The following USE1 variants were observed in gnomAD, a reference collection of about 807,000 sequenced individuals.
The protein encoded by USE1 is unconventional SNARE in the ER 1, also known as vesicle transport protein USE1.
In USE1, 32 loss-of-function variants were observed where a neutral mutation model predicts 37.6. That is an observed-to-expected ratio of 0.85 (90% CI 0.64 to 1.14). The LOEUF (loss-of-function observed/expected upper bound fraction) is 1.14, where lower values mean the gene tolerates loss of function less well. Ranked by LOEUF, USE1 falls within the 50% of genes most tolerant of loss-of-function variation. The pLI, the probability that USE1 is intolerant of heterozygous loss-of-function variation, is 0.00. For missense variants in USE1, 310 were observed against 332.2 expected (o/e 0.93, Z 0.52); for synonymous variants, 149 against 137.6 (o/e 1.08, Z -0.58).
chr19:17,215,481 G>C lies in USE1; in HGVS notation c.76G>C (p.Asp26His), dbSNP rs373033987. The C allele has an allele frequency of 3.0e-4, 464 of 1,563,294 alleles. No individual in the cohort carries two copies. Among genetic ancestry groups the C allele is most frequent in the Non-Finnish European group, 3.7e-4 (427 of 1,155,464 alleles). ...RCEAMAAEKR[D>H]PDEWRLEKYV... ...CGAGGCGATGGCAGCGGAGAAACGG[G>C]ACCCGGACGAGTGGCGCCTGGAGAA... Residue 26 changes from aspartate to histidine, a missense_variant, in exon 1 of 8, where the codon GAC becomes CAC. Asp to His is a moderately conservative substitution (Grantham distance 81). Transcript: ENST00000263897.
chr19:17,215,735 C>T (rs376188371), intron 1 of USE1, 67 bp from the exon 2 acceptor site: 29 of 1,114,738 alleles, frequency 2.6e-5, no homozygotes, highest in Non-Finnish European at 3.0e-5. Context: ...GTCGGCCCCG[C>T]CCCCCCGACT....
chr19:17,219,755 T>C lies in USE1; in HGVS notation c.722T>C (p.Val241Ala). The C allele has an allele frequency of 6.2e-7, 1 of 1,612,112 alleles. No homozygotes were observed. The highest frequency in any genetic ancestry group is 8.5e-7 in the Non-Finnish European group (1 of 1,178,832). The change falls in exon 8 of 8, where the codon GTC becomes GCC. Residue 241 changes from valine (V) to alanine (A), a missense_variant. By Grantham distance (64) the Val-to-Ala change is moderately conservative (BLOSUM62 0). Transcript: ENST00000263897. Reference sequence around the variant, plus strand: ...CTGCTCTGGGCCATGCTCATTATCGTCTGCTTCATCTTCATTAGCATGATC... The same window carrying C: ...CTGCTCTGGGCCATGCTCATTATCGCCTGCTTCATCTTCATTAGCATGATC... Reference protein sequence around the residue: ...NWLLWAMLIIVCFIFISMILF... With the variant: ...NWLLWAMLIIACFIFISMILF...
At position 17,217,471 on chromosome 19, in the gene USE1, C is replaced by T. The variant is rs1418691562; in HGVS notation, c.394+9C>T. 1.2e-6 allele frequency: 2 copies of T among 1,611,392 alleles called. No individual in the cohort carries two copies. The highest frequency in any genetic ancestry group is 1.7e-5 in the Admixed American group (1 of 59,776). ...TCCACAGGACTCTGCAGGTGAGTCACCATGAACACAACAGGACTTGAGGGC... is the reference window on the plus strand; with the variant it reads ...TCCACAGGACTCTGCAGGTGAGTCATCATGAACACAACAGGACTTGAGGGC... On this transcript the variant is annotated intron_variant, in intron 5 of 7. Transcript: ENST00000263897.
chr19:17,217,626 C>A, intron 5 of USE1, 164 bp downstream of exon 5: 2 of 1,057,262 alleles, frequency 1.9e-6, no homozygotes, highest in Non-Finnish European at 1.4e-6. Context: ...GAAATGGCCC[C>A]GAGAGGAAAC....
rs368562490 is a variant in USE1 at position 17,218,426 on chromosome 19, T to C, written c.422+35T>C. The C allele has an allele frequency of 1.2e-3, 1,862 of 1,612,720 alleles. 2 individuals are homozygous for C. The highest frequency in any genetic ancestry group is 1.5e-3 in the Non-Finnish European group (1,784 of 1,179,422). On this transcript the variant is annotated intron_variant, in intron 6 of 7. Coordinates refer to ENST00000263897, the MANE Select transcript of USE1 (RefSeq NM_018467.4). Reference sequence around the variant, plus strand: ...TGCGGCCCTGGGGCAGTAGTGGCAATTGGGCGGTGCGGCAGGGACGGGGTA... The same window carrying C: ...TGCGGCCCTGGGGCAGTAGTGGCAACTGGGCGGTGCGGCAGGGACGGGGTA...
At chr19:17,217,288 C>G (rs941687553) in intron 4 of USE1, among the ~76,000 whole-genome samples, 165 bp from the exon 5 acceptor site, 1 of 151,866 alleles carries the variant, frequency 6.6e-6, no homozygotes, top group African/African-American at 2.4e-5. Context: ...GGCACCCCCA[C>G]CACACCTGGC....
intron 3 of USE1, 26 bp from the exon 4 acceptor site, chr19:17,216,143 T>G: frequency 6.2e-6 from 10 of 1,613,234 alleles, no homozygotes; most frequent in Non-Finnish European, 8.5e-6. Context: ...GCCCCTCCAG[T>G]GACTTATCTT....
rs78670441 is a variant in USE1, at chr19:17,219,363, G to A, written c.573G>A (p.Gln191=). Residue 191 remains glutamine, a synonymous_variant, in exon 7 of 8, where the codon CAG becomes CAA. Transcript: ENST00000263897. ...RSLKTNTLAA[Q]SVIKKDNQTL... ...TCAAGACCAATACCCTGGCCGCCCAGAGTGTCATCAAGAAGGACAACCAGG... is the reference window on the plus strand; with the variant it reads ...TCAAGACCAATACCCTGGCCGCCCAAAGTGTCATCAAGAAGGACAACCAGG... 1 of 1,565,520 alleles carries A rather than the reference G, an allele frequency of 6.4e-7. No individual in the cohort carries two copies. The highest frequency in any genetic ancestry group is 8.7e-7 in the Non-Finnish European group (1 of 1,154,920).
At chr19:17,218,215 G>C in intron 5 of USE1, 149 bp from the exon 6 acceptor site, 2 of 1,006,852 alleles carry the variant, frequency 2.0e-6, no homozygotes, top group South Asian at 3.1e-5. Context: ...TAGAAGAGGG[G>C]GTATTCAAGC....
Position 17,218,571 on chromosome 19 carries a change from A to T in USE1, c.422+180A>T, listed in dbSNP as rs564495213. The T allele has an allele frequency of 2.7e-4, 185 of 684,306 alleles. No individual in the cohort carries two copies. The African/African-American group carries it at 3.2e-3, about 12-fold the overall frequency. 42.4% of individuals were successfully genotyped at this position (684,306 alleles called of 1,614,324 possible). A position where few individuals can be genotyped will look rare whatever the true frequency, so the allele number is the denominator to read the frequency against. ...CCAGGCGCAGTGGCTCACGCCTGTA[A>T]TCCCAATACTTTGGGAGGCTGAGGC... On this transcript the variant is annotated intron_variant, in intron 6 of 7. Transcript: ENST00000263897.
At chr19:17,217,391 C>T in intron 4 of USE1, 62 bp from the exon 5 acceptor site, 1 of 1,594,622 alleles carries the variant, frequency 6.3e-7, no homozygotes, top group Non-Finnish European at 8.6e-7. Flanking sequence ...CCACCTTGGC[C>T]TCCCAAAGTG....
intron 1 of USE1, 147 bp downstream of exon 1, chr19:17,215,654 C>T: frequency 1.5e-6 from 2 of 1,293,212 alleles, no homozygotes; most frequent in Non-Finnish European, 2.1e-6. Context: ...CCTGTAGCTT[C>T]CGCCCCCGTC....
intron 6 of USE1, 58 bp from the exon 7 acceptor site, chr19:17,219,155 T>C: frequency 6.5e-7 from 1 of 1,536,060 alleles, no homozygotes; most frequent in East Asian, 2.3e-5. Context: ...AATGTGTTGG[T>C]CTTCTCCCCT....
At chr19:17,216,959 T>C (rs1010456043) in intron 4 of USE1, among the ~76,000 whole-genome samples, 20 of 150,500 alleles carry the variant, frequency 1.3e-4, no homozygotes, top group Non-Finnish European at 2.8e-4. Context: ...GCCTGGGCAA[T>C]AAGAGTGAAA....
intron 5 of USE1, 83 bp from the exon 6 acceptor site, chr19:17,218,281 T>C: frequency 6.3e-7 from 1 of 1,586,760 alleles, no homozygotes; most frequent in East Asian, 2.3e-5. Flanking sequence ...TTCCAAGCAG[T>C]AGACCCAGCA....
At chr19:17,216,652 G>C (rs1353930504) in intron 4 of USE1, among the ~76,000 whole-genome samples, 1 of 152,202 alleles carries the variant, frequency 6.6e-6, no homozygotes, top group Non-Finnish European at 1.5e-5. Flanking sequence ...TCCTTTCTGA[G>C]CACTTTATGT....
At chr19:17,215,624 G>A (rs867213545) in intron 1 of USE1, 117 bp downstream of exon 1, 1 of 1,382,444 alleles carries the variant, frequency 7.2e-7, no homozygotes, top group Middle Eastern at 2.5e-4. Flanking sequence ...CGCCCTTTCC[G>A]GTCAGTCCCG....
chr19:17,218,826 C>CA (rs34769436), intron 6 of USE1: 41,524 of 67,030 alleles, frequency 0.62, 13,338 homozygotes, highest in Non-Finnish European at 0.72. Flanking sequence ...GATGCTGTCT[C>CA]AAAAAAAAAA....
At chr19:17,216,419 C>A in intron 4 of USE1, 98 bp downstream of exon 4, 1 of 1,497,842 alleles carries the variant, frequency 6.7e-7, no homozygotes, top group Non-Finnish European at 9.0e-7. Flanking sequence ...GATACAGGAA[C>A]CCTAAGGGGG....
Sources: allele counts gnomAD v4.1 joint callset (sites outside exome capture counted in the v4.1 genomes callset), GRCh38; gene constraint gnomAD v4.1.1; transcripts MANE v1.5; gene names NCBI Gene and HGNC (gene_info 2026-07-23, HGNC 2026-07-21).